The following SGCD variants were observed in gnomAD, a reference collection of about 807,000 sequenced individuals.
SGCD encodes sarcoglycan delta, also known as delta-sarcoglycan.
A neutral mutation model predicts 36.6 loss-of-function variants in SGCD; 18 were observed. The ratio of observed to expected loss-of-function variants is 0.49; its 90% confidence interval spans 0.34 to 0.73. The LOEUF (loss-of-function observed/expected upper bound fraction) is 0.73, where lower values mean the gene tolerates loss of function less well. Among genes scored for constraint, SGCD ranks in the 30% least tolerant of loss-of-function variants. The pLI is 0.01. For missense variants in SGCD, 387 were observed against 346.7 expected (o/e 1.12, Z -0.92); for synonymous variants, 133 against 130.6 (o/e 1.02, Z -0.12).
chr5:156,189,418 C>G (rs1763836713), intron 3 of SGCD, among the ~76,000 whole-genome samples: 1 of 152,106 alleles, frequency 6.6e-6, no homozygotes, highest in African/African-American at 2.4e-5. Flanking sequence ...GCACAAATGT[C>G]ATGGAATTTT....
At chr5:155,791,335 C>G in the SGCD span, among the ~76,000 whole-genome samples, 1 of 152,042 alleles carries the variant, frequency 6.6e-6, no homozygotes, top group Non-Finnish European at 1.5e-5. Flanking sequence ...AGAACCATTC[C>G]TCTCGAGAAC....
chr5:155,998,961 T>C (rs960155875), intron 1 of SGCD, among the ~76,000 whole-genome samples: 1 of 152,192 alleles, frequency 6.6e-6, no homozygotes, highest in Non-Finnish European at 1.5e-5. Context: ...TTTGTGAAAA[T>C]ATTTATTGGC....
chr5:156,360,222 T>C (rs915333816), intron 3 of SGCD, among the ~76,000 whole-genome samples: 1 of 151,700 alleles, frequency 6.6e-6, no homozygotes, highest in Admixed American at 6.6e-5. Context: ...TTCGCCTATT[T>C]TACATATACC....
At chr5:155,844,259 C>G in the SGCD span, among the ~76,000 whole-genome samples, 1 of 152,092 alleles carries the variant, frequency 6.6e-6, no homozygotes, top group African/African-American at 2.4e-5. Context: ...TTCTCTAGTC[C>G]TAAAATTTTG....
At chr5:156,510,541 T>C (rs762403299) in intron 4 of SGCD, among the ~76,000 whole-genome samples, 4 of 152,180 alleles carry the variant, frequency 2.6e-5, no homozygotes. Context: ...GTCATTTCCT[T>C]CTATGGATGT....
At chr5:156,083,930 T>C (rs1761031054) in intron 1 of SGCD, among the ~76,000 whole-genome samples, 1 of 152,088 alleles carries the variant, frequency 6.6e-6, no homozygotes, top group African/African-American at 2.4e-5. Context: ...GATCTATTTC[T>C]AGGTCTTCTG....
intron 3 of SGCD, among the ~76,000 whole-genome samples, chr5:156,292,860 G>A (rs181561977): frequency 5.8e-4 from 89 of 152,144 alleles, no homozygotes; most frequent in Admixed American, 1.4e-3. Flanking sequence ...CTGATTTGGG[G>A]CATCTTTTCA....
At chr5:156,506,859 C>A (rs1268298209) in intron 3 of SGCD, among the ~76,000 whole-genome samples, 1 of 152,100 alleles carries the variant, frequency 6.6e-6, no homozygotes, top group African/African-American at 2.4e-5. Context: ...TCAGAGTTAG[C>A]AAATAGTTGA....
chr5:156,278,774 A>G (rs916073776), intron 3 of SGCD, among the ~76,000 whole-genome samples: 2 of 152,200 alleles, frequency 1.3e-5, no homozygotes, highest in East Asian at 3.9e-4. Context: ...TATCAATGCT[A>G]TAGACCCAGT....
At chr5:156,118,223 G>T (rs1046729189) in intron 2 of SGCD, among the ~76,000 whole-genome samples, 6 of 152,036 alleles carry the variant, frequency 3.9e-5, no homozygotes, top group African/African-American at 1.4e-4. Flanking sequence ...GAATTTTGTT[G>T]GTATGTACAT....
At chr5:155,870,554 A>G (rs192776866) in intron 1 of SGCD, 221 of 152,290 alleles carry the variant, frequency 1.5e-3, no homozygotes, top group African/African-American at 5.1e-3. Context: ...TGTTTGCCAG[A>G]AGGAGCCTCA....
intron 3 of SGCD, among the ~76,000 whole-genome samples, chr5:156,409,111 T>C (rs546685879): frequency 6.6e-6 from 1 of 152,334 alleles, no homozygotes; most frequent in African/African-American, 2.4e-5. Flanking sequence ...TGACTCTGCA[T>C]CTTAAGCCAT....
Position 156,217,088 on chromosome 5 carries a change from A to G in SGCD, c.-44+93069A>G, listed in dbSNP as rs549331472. On this transcript the variant is annotated intron_variant, in intron 3 of 9. Transcript: ENST00000517913. ...GTGAGACTCCATCTCAAATAAAAAAAATAATAAAATAAAAAAGAAAGAAAG... is the reference window on the plus strand; with the variant it reads ...GTGAGACTCCATCTCAAATAAAAAAGATAATAAAATAAAAAAGAAAGAAAG... 2.2e-4 allele frequency among the ~76,000 whole-genome samples: 33 copies of G among 152,312 alleles called. No individual in the cohort carries two copies. The South Asian group carries it at 6.8e-3, about 32-fold the overall frequency.
the SGCD span, among the ~76,000 whole-genome samples, chr5:155,832,991 C>T: frequency 0.045 from 6,548 of 144,588 alleles, 315 homozygotes; most frequent in African/African-American, 0.12. Context: ...AGGCGGATCA[C>T]GAGGTCAGAA....
chr5:155,955,227 G>A (rs1757627104), intron 1 of SGCD, among the ~76,000 whole-genome samples: 1 of 152,060 alleles, frequency 6.6e-6, no homozygotes, highest in Non-Finnish European at 1.5e-5. Context: ...GCACCATGTG[G>A]CCCGGTCAAA....
chr5:155,807,147 G>C, the SGCD span, among the ~76,000 whole-genome samples: 3 of 152,192 alleles, frequency 2.0e-5, no homozygotes, highest in Non-Finnish European at 4.4e-5. Flanking sequence ...TTTATAGGTT[G>C]ACTAAAATGG....
intron 3 of SGCD, among the ~76,000 whole-genome samples, chr5:156,192,867 G>A (rs1489549278): frequency 6.7e-6 from 1 of 148,240 alleles, no homozygotes; most frequent in Admixed American, 6.7e-5. Flanking sequence ...GAAGCCAGGT[G>A]TATATATTTT....
chr5:156,632,597 T>C (rs1193254108), intron 6 of SGCD, among the ~76,000 whole-genome samples: 1 of 152,120 alleles, frequency 6.6e-6, no homozygotes, highest in Non-Finnish European at 1.5e-5. Context: ...CAAGCTAGAG[T>C]TTGATGCCTG....
chr5:156,000,799 C>CATATATATATATATATATATATAT (rs145379741), intron 1 of SGCD, among the ~76,000 whole-genome samples: 125 of 145,250 alleles, frequency 8.6e-4, no homozygotes, highest in African/African-American at 3.4e-3. Flanking sequence ...TTTCCTCACA[C>CATATATATATATATATATATATAT]ATATATATAT....
Sources: allele counts gnomAD v4.1 joint callset (sites outside exome capture counted in the v4.1 genomes callset), GRCh38; gene constraint gnomAD v4.1.1; transcripts MANE v1.5; gene names NCBI Gene and HGNC (gene_info 2026-07-23, HGNC 2026-07-21).